Variants in CES5A observed in about 807,000 individuals in gnomAD.
CES5A encodes the protein carboxylesterase 5.
In CES5A, 67 loss-of-function variants were observed where a neutral mutation model predicts 62.9. That is an observed-to-expected ratio of 1.07 (90% CI 0.88 to 1.31). The LOEUF (loss-of-function observed/expected upper bound fraction) is 1.31, where lower values mean the gene tolerates loss of function less well. CES5A is among the 50% of genes most tolerant of loss of function. The pLI is 0.00. For synonymous variants in CES5A, 296 were observed against 280.8 expected (o/e 1.05, Z -0.54); for missense variants, 748 against 708.5 (o/e 1.06, Z -0.63).
At chr16:55,933,609 G>A (rs1194813464) in intron 2 of CES5A, among the ~76,000 whole-genome samples, 1 of 152,008 alleles carries the variant, frequency 6.6e-6, no homozygotes, top group Non-Finnish European at 1.5e-5. Flanking sequence ...TACTTTAAGT[G>A]GGTGAATTAT....
chr16:55,876,005 G>C (rs533168196), upstream of CES5A, among the ~76,000 whole-genome samples: 1 of 152,230 alleles, frequency 6.6e-6, no homozygotes, highest in Non-Finnish European at 1.5e-5. Flanking sequence ...CAATTTAACT[G>C]CCACCTCTTC....
At chr16:55,890,313 C>T (rs6416766) in intron 1 of CES5A, among the ~76,000 whole-genome samples, 35,110 of 151,694 alleles carry the variant, frequency 0.23, 5,052 homozygotes, top group Non-Finnish European at 0.32. Flanking sequence ...TAATCTCAAA[C>T]TTCAATGAAT....
intron 7 of CES5A, among the ~76,000 whole-genome samples, chr16:55,860,887 G>A (rs529596847): frequency 1.2e-4 from 19 of 152,148 alleles, no homozygotes; most frequent in Non-Finnish European, 2.5e-4. Context: ...CTCAAGATTG[G>A]AAGGGACATA....
intron 2 of CES5A, among the ~76,000 whole-genome samples, chr16:55,940,159 A>G (rs1238486452): frequency 6.6e-6 from 1 of 152,110 alleles, no homozygotes; most frequent in Admixed American, 6.5e-5. Context: ...AAACAAAACC[A>G]AAGTAACCAG....
chr16:55,884,041 C>T (rs1668950988), intron 1 of CES5A, among the ~76,000 whole-genome samples: 2 of 145,874 alleles, frequency 1.4e-5, no homozygotes, highest in Non-Finnish European at 3.1e-5. Flanking sequence ...TTGCTCAGTA[C>T]ACAGTCACCC....
At chr16:55,886,364 A>C (rs1351846887) in intron 1 of CES5A, among the ~76,000 whole-genome samples, 8 of 152,226 alleles carry the variant, frequency 5.3e-5, no homozygotes, top group African/African-American at 1.9e-4. Flanking sequence ...GTGAGAAAGA[A>C]TCATGAGGAT....
intron 2 of CES5A, among the ~76,000 whole-genome samples, chr16:55,934,704 A>C (rs1223346457): frequency 6.6e-6 from 1 of 151,864 alleles, no homozygotes; most frequent in African/African-American, 2.4e-5. Flanking sequence ...ACATGCATGC[A>C]TGTGTGTCAA....
At chr16:55,868,729 T>C (rs2033519369) in intron 4 of CES5A, among the ~76,000 whole-genome samples, 1 of 152,106 alleles carries the variant, frequency 6.6e-6, no homozygotes, top group Admixed American at 6.6e-5. Flanking sequence ...ACCTCTCACT[T>C]CTCCTCTTTG....
chr16:55,858,206 A>T (rs139791874), intron 8 of CES5A, among the ~76,000 whole-genome samples: 244 of 152,256 alleles, frequency 1.6e-3, no homozygotes, highest in African/African-American at 5.6e-3. Context: ...TCAAAAATTA[A>T]ATTAGATTAA....
intron 8 of CES5A, among the ~76,000 whole-genome samples, chr16:55,857,817 T>G (rs565304835): frequency 1.1e-4 from 16 of 152,318 alleles, no homozygotes; most frequent in Non-Finnish European, 2.1e-4. Flanking sequence ...TTAGCCCTAT[T>G]TCACAGATGA....
At chr16:55,911,785 T>G (rs2034095747) in intron 1 of CES5A, among the ~76,000 whole-genome samples, 1 of 152,168 alleles carries the variant, frequency 6.6e-6, no homozygotes, top group Non-Finnish European at 1.5e-5. Flanking sequence ...AACGCAGAAC[T>G]GGGCCAGAAT....
intron 1 of CES5A, among the ~76,000 whole-genome samples, chr16:55,887,266 G>A (rs1388445887): frequency 1.3e-5 from 2 of 151,710 alleles, no homozygotes; most frequent in Non-Finnish European, 2.9e-5. Context: ...TCTGGGGGTG[G>A]AGGGATGCTT....
intron 1 of CES5A, among the ~76,000 whole-genome samples, chr16:55,951,007 C>T (rs2034550543): frequency 7.0e-6 from 1 of 143,196 alleles, no homozygotes; most frequent in South Asian, 2.2e-4. Context: ...GAGGCTGAGG[C>T]AGGAGAATGG....
At chr16:55,938,358 T>C (rs368531349) in intron 2 of CES5A, among the ~76,000 whole-genome samples, 13 of 152,260 alleles carry the variant, frequency 8.5e-5, no homozygotes, top group African/African-American at 2.9e-4. Context: ...CATTTCTGTT[T>C]GGAGAACCAT....
intron 1 of CES5A, among the ~76,000 whole-genome samples, chr16:55,898,953 G>A (rs78352217): frequency 0.01 from 1,598 of 152,306 alleles, 35 homozygotes; most frequent in African/African-American, 0.036. Context: ...CTGTAGATGA[G>A]GAAGGAGAGG....
chr16:55,870,849 C>T (rs750361640), intron 3 of CES5A, among the ~76,000 whole-genome samples: 7 of 152,164 alleles, frequency 4.6e-5, no homozygotes, highest in African/African-American at 1.2e-4. Context: ...TTACAGCCTT[C>T]GGGGCAGGTA....
At chr16:55,909,014 A>T (rs2034066351) in intron 1 of CES5A, among the ~76,000 whole-genome samples, 4 of 152,380 alleles carry the variant, frequency 2.6e-5, no homozygotes, top group African/African-American at 9.6e-5. Flanking sequence ...AAATGCAGAG[A>T]GAATCTACAA....
intron 1 of CES5A, among the ~76,000 whole-genome samples, chr16:55,920,971 T>G (rs2034198207): frequency 6.6e-6 from 1 of 152,202 alleles, no homozygotes. Flanking sequence ...ATATTTTTAC[T>G]GAACTGAAAA....
At chr16:55,948,638 G>A (rs935395802) in intron 2 of CES5A, among the ~76,000 whole-genome samples, 1 of 152,176 alleles carries the variant, frequency 6.6e-6, no homozygotes. Context: ...TGGTTTCCAA[G>A]CTTAACTTTT....
Sources: gnomAD v4.1 joint callset for allele counts (sites outside exome capture counted in the v4.1 genomes callset) on GRCh38, gnomAD v4.1.1 for gene constraint, MANE v1.5 for transcripts, NCBI Gene and HGNC (gene_info 2026-07-23, HGNC 2026-07-21) for gene names.